The following ADAMTSL1 variants were observed in gnomAD, a reference collection of about 807,000 sequenced individuals.
The protein encoded by ADAMTSL1 is ADAMTS-like protein 1.
In ADAMTSL1, 126 loss-of-function variants were observed where a neutral mutation model predicts 201.8. That is an observed-to-expected ratio of 0.62 (90% CI 0.54 to 0.72). The LOEUF (loss-of-function observed/expected upper bound fraction) is 0.72, where lower values mean the gene tolerates loss of function less well. ADAMTSL1 is among the 30% of genes least tolerant of loss of function. The pLI is 0.00. For synonymous variants in ADAMTSL1, 1,121 were observed against 903.4 expected, an observed-to-expected ratio of 1.24 and a Z score of -4.32; for missense variants, 2,679 against 2,277.8, an observed-to-expected ratio of 1.18 and a Z score of -3.59.
chr9:18,608,851 G>A (rs1374583694), intron 4 of ADAMTSL1, among the ~76,000 whole-genome samples: 1 of 152,164 alleles, frequency 6.6e-6, no homozygotes, highest in East Asian at 1.9e-4. Flanking sequence ...ACTTCCAGAA[G>A]ACTACTTTTC....
chr9:17,981,005 A>G (rs1300874018), intron 1 of ADAMTSL1, among the ~76,000 whole-genome samples: 7 of 152,172 alleles, frequency 4.6e-5, no homozygotes, highest in Admixed American at 3.3e-4. Flanking sequence ...TGGAGGGAGA[A>G]CTCACTCATT....
chr9:18,776,632 CTT>C (rs1338724508), intron 18 of ADAMTSL1, 147 bp from the exon 19 acceptor site: 8 of 963,552 alleles, frequency 8.3e-6, no homozygotes, highest in African/African-American at 1.7e-5. Context: ...CCGAAGAATA[CTT>C]TCTCTCCCGT....
chr9:17,988,200 A>T (rs759359321), intron 1 of ADAMTSL1, among the ~76,000 whole-genome samples: 2 of 152,080 alleles, frequency 1.3e-5, no homozygotes, highest in Non-Finnish European at 2.9e-5. Context: ...ATTCCTCAAG[A>T]TTCCTTTCAG....
chr9:17,985,240 A>G (rs1199865967), intron 1 of ADAMTSL1, among the ~76,000 whole-genome samples: 1 of 152,122 alleles, frequency 6.6e-6, no homozygotes, highest in Non-Finnish European at 1.5e-5. Flanking sequence ...TTTGAATAGA[A>G]TGATGTAATC....
intron 23 of ADAMTSL1, among the ~76,000 whole-genome samples, chr9:18,831,256 A>G (rs950141063): frequency 3.3e-5 from 5 of 152,232 alleles, no homozygotes; most frequent in Admixed American, 2.0e-4. Context: ...GTTTTTCTAT[A>G]TCTTGTTGAT....
chr9:18,722,904 C>T lies in ADAMTSL1; in HGVS notation c.2006+1239C>T. 8.5e-6 allele frequency: 6 copies of T among 709,516 alleles called. No homozygotes were observed. The South Asian group carries it at 9.1e-5, about 11-fold the overall frequency. The allele number at this position is 709,516 out of a possible 1,614,324, so 44.0% of individuals were successfully genotyped here. Reference sequence around the variant, plus strand: ...AGTAACCTCGTTTTCTATCCCTGCCCCACCTGGTTCCACATTTCTGTCCTA... The same window carrying T: ...AGTAACCTCGTTTTCTATCCCTGCCTCACCTGGTTCCACATTTCTGTCCTA... On this transcript the variant is annotated intron_variant, in intron 15 of 28. Transcript: ENST00000380548.
chr9:18,830,559 A>T (rs1369362203), intron 23 of ADAMTSL1, among the ~76,000 whole-genome samples: 1 of 152,168 alleles, frequency 6.6e-6, no homozygotes, highest in African/African-American at 2.4e-5. Flanking sequence ...ACCTTCACCA[A>T]GTTATTTCCC....
intron 1 of ADAMTSL1, among the ~76,000 whole-genome samples, chr9:18,039,345 T>C (rs894412232): frequency 5.9e-5 from 9 of 152,284 alleles, no homozygotes; most frequent in African/African-American, 2.2e-4. Flanking sequence ...CATATTACTG[T>C]ATTTTTTTTT....
At chr9:18,128,633 T>A (rs1241888302) in intron 1 of ADAMTSL1, among the ~76,000 whole-genome samples, 1 of 152,162 alleles carries the variant, frequency 6.6e-6, no homozygotes, top group East Asian at 1.9e-4. Flanking sequence ...CTATTGAGTA[T>A]GGTACATGAA....
rs371155539 is a variant in ADAMTSL1 at position 18,404,055 on chromosome 9, A to G, written c.208-100774A>G. Among the ~76,000 whole-genome samples, 26 of 152,314 alleles carry G rather than the reference A, an allele frequency of 1.7e-4. No individual in the cohort carries two copies. In the East Asian group the frequency reaches 4.1e-3, roughly 24 times the overall value. ...TCTGTTCCATCATTTTATGGCTTAC[A>G]ATAAAATAATGCTATAATCTTTATA... On this transcript the variant is annotated intron_variant, in intron 2 of 29. Transcript: ENST00000680146.
At chr9:18,567,139 T>C (rs999219083) in intron 3 of ADAMTSL1, among the ~76,000 whole-genome samples, 2 of 152,180 alleles carry the variant, frequency 1.3e-5, no homozygotes, top group Non-Finnish European at 1.5e-5. Flanking sequence ...GTGATTTTGA[T>C]GTACGTTTAA....
chr9:18,746,205 G>A (rs1474131503), intron 15 of ADAMTSL1, among the ~76,000 whole-genome samples: 1 of 152,182 alleles, frequency 6.6e-6, no homozygotes, highest in Non-Finnish European at 1.5e-5. Flanking sequence ...GCCTTAGGGA[G>A]AAATTGGAAA....
chr9:18,000,057 A>C (rs1223336228), intron 1 of ADAMTSL1, among the ~76,000 whole-genome samples: 1 of 149,142 alleles, frequency 6.7e-6, no homozygotes, highest in Non-Finnish European at 1.5e-5. Context: ...TAATGCCGCA[A>C]TAAACATACG....
chr9:18,861,889 C>G (rs753358762), intron 23 of ADAMTSL1, among the ~76,000 whole-genome samples: 4 of 152,160 alleles, frequency 2.6e-5, no homozygotes, highest in Non-Finnish European at 4.4e-5. Flanking sequence ...CCACTCAACT[C>G]TCCCCCGTCT....
chr9:18,680,013 T>C (rs1299694715), intron 10 of ADAMTSL1, among the ~76,000 whole-genome samples: 1 of 152,234 alleles, frequency 6.6e-6, no homozygotes. Context: ...AGGACAGAAC[T>C]ACATCCTACA....
intron 1 of ADAMTSL1, among the ~76,000 whole-genome samples, chr9:17,983,097 A>T (rs1479097246): frequency 1.0e-5 from 1 of 95,436 alleles, no homozygotes; most frequent in African/African-American, 3.9e-5. Flanking sequence ...TTGAGACTGA[A>T]TCTTGCTCTG....
At chr9:18,392,456 T>C (rs556291018) in intron 2 of ADAMTSL1, among the ~76,000 whole-genome samples, 1 of 152,334 alleles carries the variant, frequency 6.6e-6, no homozygotes, top group East Asian at 1.9e-4. Context: ...ATCTCTTTAC[T>C]TCATCCTACA....
At chr9:18,548,330 C>T (rs77749558) in intron 3 of ADAMTSL1, among the ~76,000 whole-genome samples, 2,886 of 152,076 alleles carry the variant, frequency 0.019, 77 homozygotes, top group African/African-American at 0.06. Context: ...AAGTTTTTCA[C>T]GTTTATTTTT....
intron 2 of ADAMTSL1, among the ~76,000 whole-genome samples, chr9:18,398,093 G>C (rs576024565): frequency 6.6e-6 from 1 of 152,134 alleles, no homozygotes; most frequent in South Asian, 2.1e-4. Context: ...TTATAGTATT[G>C]GTTTTCAACA....
Sources: gnomAD v4.1 joint callset for allele counts (sites outside exome capture counted in the v4.1 genomes callset) on GRCh38, gnomAD v4.1.1 for gene constraint, MANE v1.5 for transcripts, NCBI Gene and HGNC (gene_info 2026-07-23, HGNC 2026-07-21) for gene names.